XRCC6: variants seen among roughly 807,000 people sequenced by gnomAD.
XRCC6 encodes X-ray repair cross complementing 6.
A neutral mutation model predicts 65.7 loss-of-function variants in XRCC6; 5 were observed. The ratio of observed to expected loss-of-function variants is 0.08; its 90% CI spans 0.04 to 0.16. The LOEUF (loss-of-function observed/expected upper bound fraction) is 0.16. Among genes scored for constraint, XRCC6 ranks in the 10% least tolerant of loss-of-function variants. The pLI is 1.00. For missense variants in XRCC6, 447 were observed against 738.1 expected (o/e 0.61, Z 4.57); for synonymous variants, 270 against 270.6 (o/e 1.00, Z 0.02).
chr22:41,651,684 C>G (rs1001682345), intron 8 of XRCC6, among the ~76,000 whole-genome samples: 18 of 151,718 alleles, frequency 1.2e-4, no homozygotes, highest in South Asian at 2.1e-4. Context: ...CCTGCTACCA[C>G]GTCTAGCTAA....
chr22:41,625,766 C>G (rs1474262267), intron 2 of XRCC6, among the ~76,000 whole-genome samples: 1 of 152,162 alleles, frequency 6.6e-6, no homozygotes, highest in Non-Finnish European at 1.5e-5. Flanking sequence ...AAGTTCAAGG[C>G]TGCAGTGAGC....
Position 41,663,829 on chromosome 22 carries a change from G to T in XRCC6, c.*14G>T. 2 of 1,606,078 alleles carry T rather than the reference G, an allele frequency of 1.2e-6. No individual in the cohort carries two copies. The highest frequency in any genetic ancestry group is 1.7e-6 in the Non-Finnish European group (2 of 1,174,684). ...TTCCAGGACTGACCAGAGGCCGCGCGTCCAGCTGCCCTTCCGCAGTGTGGC... is the reference window on the plus strand; with the variant it reads ...TTCCAGGACTGACCAGAGGCCGCGCTTCCAGCTGCCCTTCCGCAGTGTGGC... On this transcript the variant is annotated 3_prime_UTR_variant, in exon 13 of 13. Transcript: ENST00000360079.
chr22:41,626,782 T>G (rs574533660), intron 2 of XRCC6, among the ~76,000 whole-genome samples: 223 of 152,096 alleles, frequency 1.5e-3, no homozygotes, highest in African/African-American at 5.3e-3. Flanking sequence ...GGACTGCAGG[T>G]GTCCACCACC....
At chr22:41,644,310 C>G (rs1225215107) in intron 6 of XRCC6, among the ~76,000 whole-genome samples, 1 of 152,086 alleles carries the variant, frequency 6.6e-6, no homozygotes, top group Non-Finnish European at 1.5e-5. Context: ...GGATTTCAAC[C>G]TTTTTCCATG....
intron 6 of XRCC6, among the ~76,000 whole-genome samples, chr22:41,641,516 T>C (rs2067876676): frequency 6.6e-6 from 1 of 152,180 alleles, no homozygotes; most frequent in African/African-American, 2.4e-5. Flanking sequence ...TTATTGACTA[T>C]AGTCACCCTG....
At chr22:41,646,534 G>T (rs939169231) in intron 6 of XRCC6, among the ~76,000 whole-genome samples, 2 of 152,160 alleles carry the variant, frequency 1.3e-5, no homozygotes, top group African/African-American at 4.8e-5. Context: ...GCTTATTGGA[G>T]CATTATGGGT....
chr22:41,627,899 T>C (rs2067696061), intron 2 of XRCC6, among the ~76,000 whole-genome samples: 1 of 151,922 alleles, frequency 6.6e-6, no homozygotes, highest in African/African-American at 2.4e-5. Context: ...GGATATTGAC[T>C]TTTTTGGGGA....
intron 6 of XRCC6, among the ~76,000 whole-genome samples, chr22:41,640,633 C>G (rs1488453134): frequency 1.3e-5 from 2 of 152,102 alleles, no homozygotes; most frequent in Non-Finnish European, 2.9e-5. Flanking sequence ...ACCAGAAAAC[C>G]CAAGAAATTT....
chr22:41,661,903 C>T (rs569853779), intron 12 of XRCC6, among the ~76,000 whole-genome samples: 72 of 152,020 alleles, frequency 4.7e-4, no homozygotes, highest in Non-Finnish European at 7.4e-4. Context: ...GAGTACTATT[C>T]GGCCATAAAA....
Position 41,628,197 on chromosome 22 carries a change from A to G in XRCC6, c.162A>G (p.Glu54=), listed in dbSNP as rs1451752041. Residue 54 remains glutamate, a synonymous_variant, in exon 3 of 13, where the codon GAA becomes GAG. Coordinates refer to ENST00000360079, the MANE Select transcript of XRCC6 (RefSeq NM_001469.5). ...ASKAMFESQS[E]DELTPFDMSI... is the part of the protein sequence containing the mutation. The stretch of plus-strand genomic sequence containing the variant: ...AGGCTATGTTTGAATCTCAGAGTGA[A>G]GATGAGTTGACACCTTTTGACATGA... 1.2e-6 allele frequency: 2 copies of G among 1,613,798 alleles called. No homozygotes were observed. The highest frequency in any genetic ancestry group is 2.2e-5 in the South Asian group (2 of 91,002).
chr22:41,648,069 C>G (rs998184085), intron 7 of XRCC6: 2 of 117,484 alleles, frequency 1.7e-5, no homozygotes, highest in African/African-American at 3.6e-5. Context: ...CCTCTCCCCT[C>G]CTCTCTTCTG....
intron 5 of XRCC6, among the ~76,000 whole-genome samples, 174 bp from the exon 6 acceptor site, chr22:41,637,434 G>T (rs2067821380): frequency 6.6e-6 from 1 of 152,112 alleles, no homozygotes. Context: ...TTGAAAAGTT[G>T]TCTGAAGTCA....
chr22:41,628,965 CAAAAAAAAA>C (rs11413169), intron 3 of XRCC6, among the ~76,000 whole-genome samples: 1 of 62,722 alleles, frequency 1.6e-5, no homozygotes, highest in Non-Finnish European at 2.7e-5. Flanking sequence ...GACTCTGTCT[CAAAAAAAAA>C]AAAAAAAAAA....
chr22:41,628,424 G>C, intron 3 of XRCC6, 194 bp downstream of exon 3: 1 of 460,156 alleles, frequency 2.2e-6, no homozygotes, highest in Non-Finnish European at 3.9e-6. Context: ...CAGGTGTGGT[G>C]GTGCAAACCT....
At chr22:41,631,440 C>T (rs2067748765) in intron 3 of XRCC6, among the ~76,000 whole-genome samples, 2 of 150,814 alleles carry the variant, frequency 1.3e-5, no homozygotes, top group South Asian at 4.2e-4. Context: ...AGGGTCTCCT[C>T]CCTTCTCAGA....
At chr22:41,631,619 GC>G (rs2067752760) in intron 3 of XRCC6, among the ~76,000 whole-genome samples, 4 of 130,114 alleles carry the variant, frequency 3.1e-5, no homozygotes, top group Non-Finnish European at 4.9e-5. Flanking sequence ...TGGCGGCTGG[GC>G]AGAGACGCTC....
chr22:41,656,640 G>T (rs2068047523), intron 9 of XRCC6, among the ~76,000 whole-genome samples: 1 of 152,152 alleles, frequency 6.6e-6, no homozygotes, highest in Admixed American at 6.6e-5. Flanking sequence ...TATCCTCCCG[G>T]GTTCTTCAAA....
rs186969431 is a variant in XRCC6, at chr22:41,649,376, A to T, written c.961-1347A>T. 2.8e-4 allele frequency among the ~76,000 whole-genome samples: 41 copies of T among 148,988 alleles called. 1 individual carries two copies. The East Asian group carries it at 3.1e-3, about 11-fold the overall frequency. On this transcript the variant is annotated intron_variant, in intron 7 of 12. Transcript: ENST00000360079. ...TTTTTCATAGAGACAGGATCTCACT[A>T]TGTTACCCAGGCTGGTCTCGAATTC...
At chr22:41,656,863 C>T in intron 9 of XRCC6, 40 bp from the exon 10 acceptor site, 3 of 1,611,050 alleles carry the variant, frequency 1.9e-6, no homozygotes, top group African/African-American at 1.3e-5. Context: ...GACTGCAACA[C>T]TTGAAGTCAA....
Sources: allele counts gnomAD v4.1 joint callset (sites outside exome capture counted in the v4.1 genomes callset), GRCh38; gene constraint gnomAD v4.1.1; transcripts MANE v1.5; gene names NCBI Gene and HGNC (gene_info 2026-07-23, HGNC 2026-07-21).